Variants in CSGALNACT1 observed in about 807,000 individuals in gnomAD.
The protein encoded by CSGALNACT1 is chondroitin sulfate N-acetylgalactosaminyltransferase 1.
Under a neutral mutation model 51.0 loss-of-function variants are expected in CSGALNACT1, and 52 were observed. That is an observed-to-expected ratio of 1.02 (90% CI 0.82 to 1.29). CSGALNACT1 has a LOEUF of 1.29. CSGALNACT1 is among the 50% of genes most tolerant of loss of function. CSGALNACT1 has a pLI of 0.00. For synonymous variants in CSGALNACT1, 341 were observed against 254.4 expected (o/e 1.34, Z -3.24); for missense variants, 935 against 679.2 (o/e 1.38, Z -4.19).
intron 5 of CSGALNACT1, among the ~76,000 whole-genome samples, chr8:19,442,465 T>C (rs4294196): frequency 0.47 from 69,833 of 149,916 alleles, 17,578 homozygotes; most frequent in East Asian, 0.84. Flanking sequence ...CAAACTATCA[T>C]AAGGACAAAA....
At chr8:19,508,568 A>C (rs1219148366) in intron 3 of CSGALNACT1, among the ~76,000 whole-genome samples, 3 of 152,228 alleles carry the variant, frequency 2.0e-5, no homozygotes, top group Non-Finnish European at 4.4e-5. Flanking sequence ...TGCTGTTTCT[A>C]ATGAAGTCTC....
At chr8:19,689,731 C>T (rs2154214377) in intron 1 of CSGALNACT1, among the ~76,000 whole-genome samples, 1 of 152,280 alleles carries the variant, frequency 6.6e-6, no homozygotes, top group Non-Finnish European at 1.5e-5. Context: ...CATCACCAAA[C>T]CAAAACTAAG....
chr8:19,658,664 G>T (rs2058501123), intron 1 of CSGALNACT1, among the ~76,000 whole-genome samples: 1 of 152,130 alleles, frequency 6.6e-6, no homozygotes, highest in Admixed American at 6.6e-5. Context: ...AACCTGGGGG[G>T]CAGAGGTTAC....
At position 19,513,455 on chromosome 8, in the gene CSGALNACT1, T is replaced by TATAC. The variant is rs1554650252; in HGVS notation, c.-296-7326_-296-7325insGTAT. Among the ~76,000 whole-genome samples the TATAC allele has an allele frequency of 2.0e-3, 284 of 141,828 alleles. 2 individuals carry two copies. Among genetic ancestry groups the TATAC allele is most frequent in the African/African-American group, 7.3e-3 (269 of 36,958 alleles). The allele number at this position is 141,828 out of a possible 152,430, so 93.0% of individuals were successfully genotyped here. ...CTCTCTCTATATATATATATATATATATATATATTTTGTGCCATCTGCCTG... is the reference window on the plus strand; with the variant it reads ...CTCTCTCTATATATATATATATATATATACATATATATTTTGTGCCATCTGCCTG... On this transcript the variant is annotated intron_variant, in intron 3 of 9. Transcript: ENST00000454498.
At chr8:19,634,524 T>G (rs1221338618) in intron 1 of CSGALNACT1, among the ~76,000 whole-genome samples, 54 of 152,116 alleles carry the variant, frequency 3.5e-4, no homozygotes, top group Non-Finnish European at 2.9e-5. Context: ...GAACTTGATA[T>G]GGTGATGCAC....
At chr8:19,406,002 G>A (rs1227326247) in exon 10 of CSGALNACT1, 1 of 1,614,196 alleles carries the variant, frequency 6.2e-7, no homozygotes, top group Non-Finnish European at 8.5e-7. Flanking sequence ...TGAGGTTGCT[G>A]TGGAGATACT....
intron 1 of CSGALNACT1, among the ~76,000 whole-genome samples, chr8:19,664,257 T>C (rs1356240508): frequency 6.6e-6 from 1 of 152,188 alleles, no homozygotes; most frequent in Non-Finnish European, 1.5e-5. Flanking sequence ...GATGAATAAA[T>C]GGCATTTTGC....
At chr8:19,687,170 C>T (rs2061023768), upstream of CSGALNACT1, among the ~76,000 whole-genome samples, 1 of 152,176 alleles carries the variant, frequency 6.6e-6, no homozygotes, top group Non-Finnish European at 1.5e-5. Context: ...TACCACAATG[C>T]AGTCAATACA....
intron 7 of CSGALNACT1, among the ~76,000 whole-genome samples, chr8:19,419,083 T>C (rs1026673584): frequency 1.3e-5 from 2 of 152,132 alleles, no homozygotes; most frequent in Admixed American, 6.6e-5. Flanking sequence ...TGATCTCAAA[T>C]GATCCACCCG....
intron 3 of CSGALNACT1, among the ~76,000 whole-genome samples, chr8:19,511,069 C>T (rs2078368494): frequency 6.6e-6 from 1 of 152,238 alleles, no homozygotes; most frequent in South Asian, 2.1e-4. Flanking sequence ...CAAGGACAAG[C>T]CCTGCTGATG....
intron 6 of CSGALNACT1, among the ~76,000 whole-genome samples, chr8:19,433,780 G>A (rs188542680): frequency 6.6e-5 from 10 of 152,306 alleles, no homozygotes; most frequent in Non-Finnish European, 1.0e-4. Flanking sequence ...TAAACATTAC[G>A]AGATTTTATT....
chr8:19,672,398 T>C (rs570109916), intron 1 of CSGALNACT1, among the ~76,000 whole-genome samples: 1 of 152,308 alleles, frequency 6.6e-6, no homozygotes, highest in Admixed American at 6.5e-5. Context: ...GCCAGGGAGA[T>C]GCCTGGCAAT....
chr8:19,407,543 T>A lies in CSGALNACT1; in HGVS notation c.1309+1070A>T, dbSNP rs934103210. On this transcript the variant is annotated intron_variant, in intron 9 of 9. Coordinates refer to ENST00000454498, the Ensembl canonical transcript of CSGALNACT1. ...CGAGATCCAAGAGTCAGTATTGCTA[T>A]GGGAAGGTGGGGTGGCATTTCCAAG... is the stretch of plus-strand genomic sequence containing the variant. 2.6e-5 allele frequency among the ~76,000 whole-genome samples: 4 copies of A among 152,170 alleles called. No homozygotes were observed. In the East Asian group the frequency reaches 7.7e-4, roughly 29 times the overall value.
At chr8:19,591,868 T>G (rs1381308324) in intron 2 of CSGALNACT1, among the ~76,000 whole-genome samples, 2 of 152,168 alleles carry the variant, frequency 1.3e-5, no homozygotes, top group African/African-American at 4.8e-5. Context: ...TATTACAGTA[T>G]TTGCTATATT....
At chr8:19,568,604 T>A (rs565285721) in intron 3 of CSGALNACT1, among the ~76,000 whole-genome samples, 7 of 152,348 alleles carry the variant, frequency 4.6e-5, no homozygotes, top group African/African-American at 1.4e-4. Flanking sequence ...TTTAATTTTA[T>A]AGTGTATATA....
chr8:19,716,194 A>C (rs535049929), intron 1 of CSGALNACT1, among the ~76,000 whole-genome samples: 1 of 151,930 alleles, frequency 6.6e-6, no homozygotes, highest in African/African-American at 2.4e-5. Context: ...CCCAAAATAA[A>C]GCTTTTGTCT....
At chr8:19,513,436 C>CTATATATATATA (rs1554650175) in intron 3 of CSGALNACT1, among the ~76,000 whole-genome samples, 1,052 of 81,804 alleles carry the variant, frequency 0.013, 27 homozygotes, top group Non-Finnish European at 0.019. Context: ...CTCTCTCTCT[C>CTATATATATATA]TATATATATA....
intron 1 of CSGALNACT1, chr8:19,688,945 T>G (rs998816207): frequency 6.6e-6 from 1 of 152,230 alleles, no homozygotes; most frequent in Admixed American, 6.5e-5. Context: ...GCCATGCATG[T>G]CCACGTAATT....
intron 4 of CSGALNACT1, among the ~76,000 whole-genome samples, chr8:19,493,001 A>T (rs1172199869): frequency 6.6e-6 from 1 of 152,078 alleles, no homozygotes; most frequent in African/African-American, 2.4e-5. Context: ...CACTGACATA[A>T]GTGAGAAAGA....
Sources: allele counts gnomAD v4.1 joint callset (sites outside exome capture counted in the v4.1 genomes callset), GRCh38; gene constraint gnomAD v4.1.1; transcripts MANE v1.5; gene names NCBI Gene and HGNC (gene_info 2026-07-23, HGNC 2026-07-21).